The following ANKRD45 variants were observed in gnomAD, a reference collection of about 807,000 sequenced individuals.
ANKRD45 encodes the protein ankyrin repeat domain-containing protein 45.
A neutral mutation model predicts 28.1 loss-of-function variants in ANKRD45; 21 were observed. The observed-to-expected ratio is 0.75, with a 90% CI of 0.53 to 1.08. The LOEUF (loss-of-function observed/expected upper bound fraction) is 1.08. Ranked by LOEUF, ANKRD45 falls within the 50% of genes least tolerant of loss-of-function variation. The pLI, the probability that ANKRD45 is intolerant of heterozygous loss-of-function variation, is 0.00. For missense variants in ANKRD45, 261 were observed against 308.7 expected (o/e 0.85, Z 1.16); for synonymous variants, 86 against 103.9 (o/e 0.83, Z 1.05).
chr1:173,668,890 A>T (rs1474060772), intron 1 of ANKRD45, among the ~76,000 whole-genome samples: 1 of 152,206 alleles, frequency 6.6e-6, no homozygotes, highest in Non-Finnish European at 1.5e-5. Flanking sequence ...ATGAAGGCAG[A>T]ATGGCATTGC....
At chr1:173,653,728 A>C (rs1209868698) in intron 2 of ANKRD45, among the ~76,000 whole-genome samples, 2 of 151,988 alleles carry the variant, frequency 1.3e-5, no homozygotes, top group African/African-American at 4.8e-5. Context: ...ATTGTTTGGG[A>C]GTCTAAATCT....
At chr1:173,626,577 C>G (rs1667946036) in intron 4 of ANKRD45, among the ~76,000 whole-genome samples, 1 of 152,110 alleles carries the variant, frequency 6.6e-6, no homozygotes, top group Non-Finnish European at 1.5e-5. Flanking sequence ...AGAACCAGAA[C>G]ACTACCAGTA....
chr1:173,632,151 G>A (rs1442186889), intron 3 of ANKRD45, among the ~76,000 whole-genome samples: 2 of 151,718 alleles, frequency 1.3e-5, no homozygotes, highest in Non-Finnish European at 2.9e-5. Context: ...AAATGAAAAA[G>A]AAGACATTAC....
the ANKRD45 span, among the ~76,000 whole-genome samples, chr1:173,701,287 A>T: frequency 6.6e-6 from 1 of 152,230 alleles, no homozygotes; most frequent in Non-Finnish European, 1.5e-5. Flanking sequence ...TAGAACTAGA[A>T]ATACCATTTG....
intron 5 of ANKRD45, among the ~76,000 whole-genome samples, chr1:173,620,579 A>T (rs1419135640): frequency 2.0e-5 from 3 of 152,180 alleles, no homozygotes; most frequent in Non-Finnish European, 2.9e-5. Context: ...GAAGGGGAAC[A>T]TCACACTCTG....
At chr1:173,674,068 G>A (rs1670339433), upstream of ANKRD45, among the ~76,000 whole-genome samples, 1 of 152,106 alleles carries the variant, frequency 6.6e-6, no homozygotes, top group African/African-American at 2.4e-5. Flanking sequence ...GAGTGCAGTG[G>A]TGTGATCACG....
intron 1 of ANKRD45, among the ~76,000 whole-genome samples, chr1:173,666,254 C>A (rs1020567140): frequency 1.3e-5 from 2 of 152,172 alleles, no homozygotes; most frequent in African/African-American, 4.8e-5. Flanking sequence ...TGGATTGGAA[C>A]TACACAAATG....
chr1:173,649,682 T>A (rs1181050087), intron 2 of ANKRD45, among the ~76,000 whole-genome samples: 1 of 152,254 alleles, frequency 6.6e-6, no homozygotes, highest in South Asian at 2.1e-4. Context: ...CCCTTAGTGG[T>A]TGGGTTCTTT....
intron 3 of ANKRD45, among the ~76,000 whole-genome samples, chr1:173,629,768 A>G (rs1558124984): frequency 6.6e-6 from 1 of 152,154 alleles, no homozygotes; most frequent in Non-Finnish European, 1.5e-5. Flanking sequence ...AATTAAAAAA[A>G]GAACTTCCCA....
the ANKRD45 span, among the ~76,000 whole-genome samples, chr1:173,697,929 T>C: frequency 3.9e-3 from 580 of 150,424 alleles, 4 homozygotes; most frequent in African/African-American, 0.012. Flanking sequence ...CCATCTCAAG[T>C]ACAGACACAC....
chr1:173,680,992 G>C, the ANKRD45 span, among the ~76,000 whole-genome samples: 2 of 151,556 alleles, frequency 1.3e-5, no homozygotes, highest in South Asian at 4.2e-4. Flanking sequence ...GGGTGGGGGA[G>C]ATAGGGAAGG....
chr1:173,698,479 C>T, the ANKRD45 span, among the ~76,000 whole-genome samples: 2 of 152,166 alleles, frequency 1.3e-5, no homozygotes, highest in East Asian at 1.9e-4. Context: ...GTCTCTCAGA[C>T]CACAGCGCAA....
chr1:173,664,201 T>C (rs1669908563), intron 1 of ANKRD45, among the ~76,000 whole-genome samples: 1 of 152,326 alleles, frequency 6.6e-6, no homozygotes, highest in South Asian at 2.1e-4. Context: ...GTGACATATG[T>C]CCCAATGTAT....
chr1:173,705,499 T>C, the ANKRD45 span, among the ~76,000 whole-genome samples: 2 of 142,872 alleles, frequency 1.4e-5, no homozygotes, highest in African/African-American at 2.7e-5. Context: ...TCTGTCTCTA[T>C]AGAAAAAAAA....
At chr1:173,680,922 C>G in the ANKRD45 span, among the ~76,000 whole-genome samples, 1 of 132,504 alleles carries the variant, frequency 7.5e-6, no homozygotes, top group African/African-American at 2.8e-5. Flanking sequence ...AATGAGAACA[C>G]ATGGACACAG....
the ANKRD45 span, among the ~76,000 whole-genome samples, chr1:173,710,710 C>T: frequency 1.2e-4 from 19 of 152,304 alleles, no homozygotes; most frequent in African/African-American, 4.3e-4. Context: ...CTTATTGAGA[C>T]GCTGCCACCA....
At chr1:173,688,017 C>G in the ANKRD45 span, among the ~76,000 whole-genome samples, 1 of 148,522 alleles carries the variant, frequency 6.7e-6, no homozygotes, top group African/African-American at 2.5e-5. Context: ...ACAGAATTGC[C>G]TCATACTTTC....
chr1:173,630,383 A>C (rs911392786), intron 3 of ANKRD45, among the ~76,000 whole-genome samples: 2 of 152,202 alleles, frequency 1.3e-5, no homozygotes, highest in Admixed American at 1.3e-4. Flanking sequence ...ATAGGATATA[A>C]ATAAAAACAA....
intron 2 of ANKRD45, among the ~76,000 whole-genome samples, chr1:173,656,395 C>A (rs1044927475): frequency 2.6e-5 from 4 of 152,132 alleles, no homozygotes; most frequent in African/African-American, 9.7e-5. Flanking sequence ...CATATTCTTC[C>A]TAAACTCTCT....
Sources: gnomAD v4.1 joint callset for allele counts (sites outside exome capture counted in the v4.1 genomes callset) on GRCh38, gnomAD v4.1.1 for gene constraint, MANE v1.5 for transcripts, NCBI Gene and HGNC (gene_info 2026-07-23, HGNC 2026-07-21) for gene names.